The following NRG3 variants were observed in gnomAD, a reference collection of about 807,000 sequenced individuals.
NRG3 encodes the protein pro-neuregulin-3, membrane-bound isoform.
In NRG3, 31 loss-of-function variants were observed where a neutral mutation model predicts 66.9. The ratio of observed to expected loss-of-function variants is 0.46; its 90% CI spans 0.35 to 0.63. The LOEUF (loss-of-function observed/expected upper bound fraction) is 0.63, where lower values mean the gene tolerates loss of function less well. NRG3 is among the 20% of genes least tolerant of loss of function. The pLI, the probability that NRG3 is intolerant of heterozygous loss-of-function variation, is 0.00. For missense variants in NRG3, 910 were observed against 878.9 expected (o/e 1.04, Z -0.45); for synonymous variants, 393 against 359.4 (o/e 1.09, Z -1.06).
chr10:82,626,308 G>A (rs1032555382), intron 2 of NRG3, among the ~76,000 whole-genome samples: 2 of 152,158 alleles, frequency 1.3e-5, no homozygotes, highest in African/African-American at 4.8e-5. Flanking sequence ...AAGAGAGAAA[G>A]AAGCAAATAT....
intron 1 of NRG3, among the ~76,000 whole-genome samples, chr10:82,249,984 G>A (rs1435579111): frequency 1.3e-5 from 2 of 152,180 alleles, no homozygotes; most frequent in Non-Finnish European, 2.9e-5. Context: ...AGCGATGGTA[G>A]AAATGGTCTC....
intron 1 of NRG3, among the ~76,000 whole-genome samples, chr10:82,173,186 A>G (rs992450145): frequency 1.3e-5 from 2 of 152,144 alleles, no homozygotes; most frequent in Non-Finnish European, 2.9e-5. Flanking sequence ...GCATCTGCAC[A>G]TTGATATGTA....
chr10:82,317,804 C>T (rs1027425181), intron 1 of NRG3, among the ~76,000 whole-genome samples: 6 of 152,112 alleles, frequency 3.9e-5, no homozygotes, highest in Non-Finnish European at 8.8e-5. Context: ...GGGTCTGTGC[C>T]TTTCTCTGAA....
intron 2 of NRG3, among the ~76,000 whole-genome samples, chr10:82,638,883 G>A (rs1239928558): frequency 6.6e-6 from 1 of 152,096 alleles, no homozygotes; most frequent in African/African-American, 2.4e-5. Flanking sequence ...TTGACCTCGG[G>A]ATCCTCCCGC....
intron 1 of NRG3, among the ~76,000 whole-genome samples, chr10:82,215,937 G>C (rs2075642758): frequency 7.4e-6 from 1 of 135,860 alleles, no homozygotes; most frequent in East Asian, 2.2e-4. Flanking sequence ...AAAAATTCGT[G>C]GTTTGTTTAT....
At position 82,623,021 on chromosome 10, in the gene NRG3, A is replaced by G. The variant is rs73313572; in HGVS notation, c.954-115556A>G. ...CCATTGTAAGTTAAGGAGCATTTGT[A>G]TTATTTTTCTAGCCCATCATCTCTG... On this transcript the variant is annotated intron_variant, in intron 2 of 8. Transcript: ENST00000372141. 1.7e-3 allele frequency among the ~76,000 whole-genome samples: 263 copies of G among 151,394 alleles called. 1 individual carries two copies. The highest frequency in any genetic ancestry group is 6.3e-3 in the African/African-American group (258 of 41,236).
chr10:82,663,522 A>G (rs189328651), intron 2 of NRG3, among the ~76,000 whole-genome samples: 103 of 152,200 alleles, frequency 6.8e-4, no homozygotes, highest in Middle Eastern at 6.8e-3. Flanking sequence ...GAGGAAGGAG[A>G]ATTCTAGGAT....
intron 1 of NRG3, among the ~76,000 whole-genome samples, chr10:82,004,755 C>G (rs1053792835): frequency 3.9e-5 from 6 of 152,220 alleles, no homozygotes; most frequent in African/African-American, 1.4e-4. Flanking sequence ...TGATCAGAGC[C>G]TGTATGAGAA....
intron 4 of NRG3, among the ~76,000 whole-genome samples, chr10:82,873,635 G>A (rs924968378): frequency 6.6e-6 from 1 of 152,156 alleles, no homozygotes. Context: ...TATTTGTTAA[G>A]TGGTTATTTT....
intron 2 of NRG3, among the ~76,000 whole-genome samples, chr10:82,447,000 T>C (rs989542885): frequency 7.9e-5 from 12 of 152,212 alleles, no homozygotes; most frequent in African/African-American, 2.9e-4. Flanking sequence ...ATCCCTAGAA[T>C]GCCAGAAAAA....
intron 1 of NRG3, among the ~76,000 whole-genome samples, chr10:82,004,533 G>A (rs2061310406): frequency 6.6e-6 from 1 of 152,118 alleles, no homozygotes; most frequent in Admixed American, 6.5e-5. Context: ...GTTTCTGCAG[G>A]TATGTGCGGC....
intron 3 of NRG3, among the ~76,000 whole-genome samples, chr10:82,860,245 C>A (rs1211221148): frequency 6.6e-6 from 1 of 152,160 alleles, no homozygotes; most frequent in Non-Finnish European, 1.5e-5. Context: ...CGCTACCTAG[C>A]TTATATTTGG....
At chr10:81,982,255 T>C (rs994905481) in intron 1 of NRG3, among the ~76,000 whole-genome samples, 5 of 152,198 alleles carry the variant, frequency 3.3e-5, no homozygotes, top group African/African-American at 1.2e-4. Flanking sequence ...CTCTCTGCCA[T>C]TTTATGGTAA....
chr10:82,547,875 A>G (rs1279281374), intron 2 of NRG3, among the ~76,000 whole-genome samples: 2 of 152,142 alleles, frequency 1.3e-5, no homozygotes, highest in Non-Finnish European at 2.9e-5. Flanking sequence ...GAGATAAAGC[A>G]GAAGAAACTA....
intron 1 of NRG3, among the ~76,000 whole-genome samples, chr10:82,263,802 G>T (rs552717135): frequency 4.6e-4 from 70 of 152,260 alleles, no homozygotes; most frequent in African/African-American, 1.7e-3. Context: ...GCCAAATACA[G>T]ATAACACCAA....
chr10:82,021,721 G>T (rs1348917388), intron 1 of NRG3, among the ~76,000 whole-genome samples: 5 of 151,752 alleles, frequency 3.3e-5, no homozygotes, highest in African/African-American at 9.7e-5. Flanking sequence ...ACAACAGGAA[G>T]ATAATTTTAT....
intron 1 of NRG3, among the ~76,000 whole-genome samples, chr10:81,877,305 T>G (rs1841759238): frequency 6.6e-6 from 1 of 152,172 alleles, no homozygotes; most frequent in African/African-American, 2.4e-5. Context: ...TGGGAACAGT[T>G]TGTGCAACCT....
At chr10:82,190,088 G>A (rs2074049562) in intron 1 of NRG3, among the ~76,000 whole-genome samples, 1 of 152,150 alleles carries the variant, frequency 6.6e-6, no homozygotes, top group Non-Finnish European at 1.5e-5. Context: ...GCCCTGACTT[G>A]GTCATTGCAG....
At chr10:82,128,016 T>C (rs1413371533) in intron 1 of NRG3, among the ~76,000 whole-genome samples, 2 of 151,950 alleles carry the variant, frequency 1.3e-5, no homozygotes, top group Admixed American at 1.3e-4. Context: ...AATGGGAAAA[T>C]TGAAGCCCAT....
Sources: allele counts gnomAD v4.1 joint callset (sites outside exome capture counted in the v4.1 genomes callset), GRCh38; gene constraint gnomAD v4.1.1; transcripts MANE v1.5; gene names NCBI Gene and HGNC (gene_info 2026-07-23, HGNC 2026-07-21).